Variants in OBSL1 observed in about 807,000 individuals in gnomAD.
OBSL1 encodes the protein obscurin like cytoskeletal adaptor 1.
In OBSL1, 160 loss-of-function variants were observed where a neutral mutation model predicts 172.0. The observed-to-expected ratio is 0.93, with a 90% CI of 0.82 to 1.06. The LOEUF (loss-of-function observed/expected upper bound fraction) is 1.06, where lower values mean the gene tolerates loss of function less well. OBSL1 is among the 50% of genes least tolerant of loss of function. OBSL1 has a pLI of 0.00. For missense variants in OBSL1, 2,681 were observed against 2,715.4 expected, an observed-to-expected ratio of 0.99 and a Z score of 0.28; for synonymous variants, 1,200 against 1,196.3, an observed-to-expected ratio of 1.00 and a Z score of -0.06.
At chr2:219,566,483 T>C (rs1007855756) in intron 5 of OBSL1, among the ~76,000 whole-genome samples, 1 of 152,096 alleles carries the variant, frequency 6.6e-6, no homozygotes, top group Non-Finnish European at 1.5e-5. Context: ...GCGATGACAA[T>C]GTCAACAATT....
chr2:219,563,762 A>G (rs972342251), intron 6 of OBSL1, 135 bp from the exon 7 acceptor site: 4 of 946,296 alleles, frequency 4.2e-6, no homozygotes, highest in Non-Finnish European at 6.4e-6. Flanking sequence ...GTAGGGACTC[A>G]GGGACAATGA....
In OBSL1 at chr2:219,557,407, C is replaced by T. The variant is rs771771315; in HGVS notation, c.4002G>A (p.Gly1334=). ...QVLRVQGARS[G]DAGEYLCDAP... ...CATCGCACAGGTACTCCCCAGCGTC[C>T]CCGCTCCGTGCCCCCTGCACCCGCA... Residue 1334 remains glycine (G), a synonymous_variant, in exon 12 of 21, where the codon GGG becomes GGA. Transcript: ENST00000404537. The T allele has an allele frequency of 1.3e-6, 2 of 1,547,822 alleles. No homozygotes were observed. Among genetic ancestry groups the T allele is most frequent in the South Asian group, 1.2e-5 (1 of 83,702 alleles).
At position 219,557,995 on chromosome 2, in the gene OBSL1, C is replaced by G. The variant is rs1196345891; in HGVS notation, c.3618G>C (p.Trp1206Cys). The change falls in exon 11 of 21, where the codon TGG (tryptophan) becomes TGC (cysteine). Residue 1206 changes from tryptophan to cysteine, a missense_variant. Transcript: ENST00000404537. ...ELSRAGAPVV[W>C]SHNGRPVQEG... ...CCTGCACGGGCCTCCCATTGTGGCT[C>G]CAGACCACGGGGGCGCCAGCCCGGG... 4.3e-6 allele frequency: 7 copies of G among 1,612,036 alleles called. No homozygotes were observed. Among genetic ancestry groups the G allele is most frequent in the Admixed American group, 1.7e-5 (1 of 59,768 alleles).
chr2:219,552,335 G>T, intron 18 of OBSL1, 119 bp from the exon 19 acceptor site: 1 of 994,096 alleles, frequency 1.0e-6, no homozygotes, highest in Non-Finnish European at 1.5e-6. Context: ...TGCTAGGGTG[G>T]GCGGAACAGG....
At chr2:219,550,032 T>C (rs559907534), downstream of OBSL1, 44 of 794,426 alleles carry the variant, frequency 5.5e-5, no homozygotes, top group East Asian at 1.2e-3. Context: ...GAAAGCCCCC[T>C]CCCAAGCTCC....
Position 219,568,658 on chromosome 2 carries a change from A to G in OBSL1, c.1013-334T>C, listed in dbSNP as rs1697112316. On this transcript the variant is annotated intron_variant, in intron 1 of 20. Coordinates refer to ENST00000404537, the MANE Select transcript of OBSL1 (RefSeq NM_015311.3). The surrounding 1 kb of genome is among the most constrained non-coding windows in gnomAD (Gnocchi z 4.1). Reference sequence around the variant, plus strand: ...TTCCCTGGGGTCCTCCAGGCCCTAGATTGGTGATTTCCAAACTGTTCCCTG... The same window carrying G: ...TTCCCTGGGGTCCTCCAGGCCCTAGGTTGGTGATTTCCAAACTGTTCCCTG... 6.6e-6 allele frequency among the ~76,000 whole-genome samples: 1 copy of G among 152,046 alleles called. No homozygotes were observed. Among genetic ancestry groups the G allele is most frequent in the Non-Finnish European group, 1.5e-5 (1 of 68,004 alleles).
intron 8 of OBSL1, 85 bp downstream of exon 8, chr2:219,562,316 CG>C: frequency 6.6e-7 from 1 of 1,512,284 alleles, no homozygotes. Context: ...CCCTCCTCCC[CG>C]GGGTGCTAGC....
chr2:219,562,157 T>C, intron 8 of OBSL1: 1 of 655,682 alleles, frequency 1.5e-6, no homozygotes, highest in Non-Finnish European at 2.8e-6. Context: ...CTACTCCCAG[T>C]GCCTGATTCA....
At chr2:219,552,030 TG>T in intron 19 of OBSL1, 81 bp downstream of exon 19, 6 of 1,389,818 alleles carry the variant, frequency 4.3e-6, no homozygotes, top group Non-Finnish European at 6.0e-6. Flanking sequence ...GCAGCGTTCT[TG>T]GGGCCAGCCC....
intron 20 of OBSL1, chr2:219,551,198 G>C (rs1051185366): frequency 6.5e-6 from 9 of 1,385,734 alleles, no homozygotes; most frequent in Non-Finnish European, 8.4e-6. Context: ...GGAAGGCAGT[G>C]TTGGTGAAGT....
rs1402516895 is a variant in OBSL1 at position 219,562,531 on chromosome 2, G to A, written c.2824C>T (p.Pro942Ser). ...TCTTCCTTCTGCAGGAGCAGCGCGG[G>A]GCTCTCCACCACCTCCTCTCCATCC... is the stretch of plus-strand genomic sequence containing the variant. ...TKDGEEVVESPALLLQKEDTV... is the reference protein window; with the variant it reads ...TKDGEEVVESSALLLQKEDTV... The change falls in exon 8 of 21, where the codon CCC (proline) becomes TCC (serine). Residue 942 changes from proline to serine, a missense_variant. By Grantham distance (74) the Pro-to-Ser change is moderately conservative. This residue lies in a region of OBSL1 where 1,765 missense variants were observed against 1,748.3 expected (regional missense o/e 1.01). Transcript: ENST00000404537. The A allele has an allele frequency of 1.2e-6, 2 of 1,613,908 alleles. No individual in the cohort carries two copies. The highest frequency in any genetic ancestry group is 1.7e-6 in the Non-Finnish European group (2 of 1,179,872).
Position 219,556,417 on chromosome 2 carries a change from C to T in OBSL1, c.4336+37G>A, listed in dbSNP as rs543785276. 17 of 1,609,106 alleles carry T rather than the reference C, an allele frequency of 1.1e-5. 1 individual carries two copies. Among genetic ancestry groups the T allele is most frequent in the Middle Eastern group, 1.7e-4 (1 of 6,040 alleles). The stretch of plus-strand genomic sequence containing the variant: ...GGAATCCTGGTTGGGAGTACAGGCA[C>T]GGGACACAGAGTATCTCATCCTCAT... On this transcript the variant is annotated intron_variant, in intron 13 of 20. Coordinates refer to ENST00000404537, the MANE Select transcript of OBSL1 (RefSeq NM_015311.3).
At chr2:219,559,651 A>G in intron 8 of OBSL1, 154 bp from the exon 9 acceptor site, 2 of 676,956 alleles carry the variant, frequency 3.0e-6, no homozygotes, top group Non-Finnish European at 4.8e-6. Context: ...GTTCTCTGAA[A>G]TCCCTGGGGC....
chr2:219,553,740 T>G, intron 15 of OBSL1, 54 bp from the exon 16 acceptor site: 1 of 1,314,296 alleles, frequency 7.6e-7, no homozygotes, highest in South Asian at 1.2e-5. Context: ...GGACCCATCT[T>G]GCAGGGACAA....
Position 219,558,036 on chromosome 2 carries a change from G to C in OBSL1, c.3577C>G (p.Leu1193Val). ...LCVAPGEPVV[L>V]SCELSRAGAP... is the part of the protein sequence containing the mutation. ...CCAGCCCGGGACAGTTCACAGCTCA[G>C]CACCACTGGCTCCCCAGGGGCCACA... Residue 1193 changes from leucine to valine, a missense_variant, in exon 11 of 21, where the codon CTG becomes GTG. Physicochemically the swap from Leu to Val is conservative, Grantham distance 32. This residue lies in a region of OBSL1 where 1,765 missense variants were observed against 1,748.3 expected (regional missense o/e 1.01). Transcript: ENST00000404537. The C allele has an allele frequency of 6.2e-7, 1 of 1,613,494 alleles. No individual in the cohort carries two copies. Among genetic ancestry groups the C allele is most frequent in the Non-Finnish European group, 8.5e-7 (1 of 1,179,824 alleles).
In OBSL1 at chr2:219,570,467, A is replaced by G. The variant is rs764310209; in HGVS notation, c.766T>C (p.Trp256Arg). The G allele has an allele frequency of 1.2e-5, 20 of 1,612,542 alleles. No homozygotes were observed. In the East Asian group the frequency reaches 2.9e-4, roughly 23 times the overall value. ...EPLKCAPKTFWVNEGKHAKFR... is the reference protein window; with the variant it reads ...EPLKCAPKTFRVNEGKHAKFR... ...TTGGCGTGCTTGCCCTCGTTCACCC[A>G]GAAGGTCTTAGGCGCGCACTTGAGC... The change falls in exon 1 of 21, where the codon TGG becomes CGG. Residue 256 changes from tryptophan to arginine, a missense_variant. By Grantham distance (101) the Trp-to-Arg change is moderately radical. Around this residue, in one of 5 missense-constraint regions of OBSL1, gnomAD observed 706 missense variants for 695.8 expected, o/e 1.01. Transcript: ENST00000404537.
At chr2:219,566,659 G>A (rs1696916311) in intron 5 of OBSL1, among the ~76,000 whole-genome samples, 171 bp downstream of exon 5, 1 of 152,204 alleles carries the variant, frequency 6.6e-6, no homozygotes, top group South Asian at 2.1e-4. Context: ...TGTTGCATGT[G>A]GGTTGAAATT....
intron 15 of OBSL1, 109 bp downstream of exon 15, chr2:219,554,365 G>A: frequency 7.5e-7 from 1 of 1,326,570 alleles, no homozygotes; most frequent in African/African-American, 1.4e-5. Context: ...GGGCCACACT[G>A]AGACAGGCAT....
chr2:219,548,694 A>T (rs191484343), downstream of OBSL1, among the ~76,000 whole-genome samples: 53 of 152,308 alleles, frequency 3.5e-4, no homozygotes, highest in African/African-American at 1.2e-3. Flanking sequence ...AGCACTCCAC[A>T]TTTTATTAGA....
Sources: allele counts gnomAD v4.1 joint callset (sites outside exome capture counted in the v4.1 genomes callset), GRCh38; gene constraint gnomAD v4.1.1; regional missense constraint gnomAD v4.1.1; non-coding constraint Gnocchi (gnomAD v3.1); transcripts MANE v1.5; gene names NCBI Gene and HGNC (gene_info 2026-07-23, HGNC 2026-07-21).